Variants in FSTL1 observed in about 807,000 individuals in gnomAD.
FSTL1 encodes the protein follistatin-related protein 1.
In FSTL1, 24 loss-of-function variants were observed where a neutral mutation model predicts 45.9. The observed-to-expected ratio is 0.52, with a 90% CI of 0.38 to 0.74. The LOEUF (loss-of-function observed/expected upper bound fraction) is 0.74, where lower values mean the gene tolerates loss of function less well. FSTL1 is among the 30% of genes least tolerant of loss of function. The probability of loss-of-function intolerance (pLI) is 0.00; values close to 1 mark genes in which losing one functional copy is unlikely to be tolerated. For synonymous variants in FSTL1, 120 were observed against 137.6 expected (o/e 0.87, Z 0.89); for missense variants, 340 against 381.8 (o/e 0.89, Z 0.91).
chr3:120,434,346 A>C lies in FSTL1; in HGVS notation c.63+16338T>G, dbSNP rs185593524. Among the ~76,000 whole-genome samples, 215 of 152,320 alleles carry C rather than the reference A, an allele frequency of 1.4e-3. 1 individual carries two copies. Among genetic ancestry groups the C allele is most frequent in the African/African-American group, 4.9e-3 (202 of 41,570 alleles). On this transcript the variant is annotated intron_variant, in intron 2 of 10. Coordinates refer to ENST00000295633, the MANE Select transcript of FSTL1 (RefSeq NM_007085.5). ...GTGCACATGGCCATGCTGATGGTCC[A>C]TTCTAGAGTCACTACCAAGAGGATC...
intron 3 of FSTL1, among the ~76,000 whole-genome samples, chr3:120,414,310 G>A (rs531074631): frequency 2.8e-4 from 42 of 151,938 alleles, no homozygotes; most frequent in Middle Eastern, 3.4e-3. Context: ...GTCTCTGCCC[G>A]GCCGCCATCC....
chr3:120,421,781 T>A (rs907807917), intron 2 of FSTL1, among the ~76,000 whole-genome samples: 3 of 152,188 alleles, frequency 2.0e-5, no homozygotes, highest in African/African-American at 7.2e-5. Flanking sequence ...TTTCCCTTCC[T>A]TATATGTGCT....
At chr3:120,405,148 A>G (rs1392577689) in intron 6 of FSTL1, among the ~76,000 whole-genome samples, 177 bp from the exon 7 acceptor site, 2 of 152,212 alleles carry the variant, frequency 1.3e-5, no homozygotes, top group Non-Finnish European at 2.9e-5. Context: ...CAGAGAAGGT[A>G]CCTGTGCCCA....
intron 2 of FSTL1, among the ~76,000 whole-genome samples, chr3:120,433,645 T>C (rs1386157268): frequency 2.6e-5 from 4 of 152,068 alleles, no homozygotes; most frequent in Admixed American, 6.6e-5. Context: ...AAATAACAAG[T>C]TCATTTCAGC....
chr3:120,402,717 T>G (rs1364670405), intron 9 of FSTL1, 91 bp downstream of exon 9: 1 of 848,582 alleles, frequency 1.2e-6, no homozygotes, highest in Non-Finnish European at 2.0e-6. Context: ...CACCGCCCTC[T>G]TCTCCATCAT....
intron 2 of FSTL1, among the ~76,000 whole-genome samples, chr3:120,448,714 T>G (rs1017394932): frequency 6.6e-6 from 1 of 152,216 alleles, no homozygotes; most frequent in African/African-American, 2.4e-5. Context: ...GGGAATTATG[T>G]GAGAGCACTG....
chr3:120,437,042 T>C (rs1161321353), intron 2 of FSTL1, among the ~76,000 whole-genome samples: 2 of 152,192 alleles, frequency 1.3e-5, no homozygotes, highest in African/African-American at 4.8e-5. Context: ...CAATAGTGTT[T>C]AGCCTCTCTG....
chr3:120,427,606 A>G (rs1025969932), intron 2 of FSTL1, among the ~76,000 whole-genome samples: 1 of 152,156 alleles, frequency 6.6e-6, no homozygotes, highest in African/African-American at 2.4e-5. Flanking sequence ...CAGGCCATAT[A>G]TATTCAGCCT....
At chr3:120,397,026 T>C (rs745592844) in intron 10 of FSTL1, 30 bp from the exon 11 acceptor site, 5 of 1,557,362 alleles carry the variant, frequency 3.2e-6, no homozygotes, top group South Asian at 1.1e-5. Context: ...ATAGGCGTCA[T>C]GGAAATATTA....
At chr3:120,434,778 A>G (rs1937523887) in intron 2 of FSTL1, among the ~76,000 whole-genome samples, 1 of 152,246 alleles carries the variant, frequency 6.6e-6, no homozygotes, top group Admixed American at 6.5e-5. Flanking sequence ...CAAGGAGAAC[A>G]ATAGCAACTA....
intron 2 of FSTL1, among the ~76,000 whole-genome samples, chr3:120,429,991 GCATTCTTACA>G (rs1475963268): frequency 1.2e-4 from 19 of 152,188 alleles, no homozygotes; most frequent in South Asian, 2.1e-4. Context: ...TTCCAGGAGT[GCATTCTTACA>G]CATTCTTTAA....
intron 7 of FSTL1, among the ~76,000 whole-genome samples, chr3:120,403,937 A>AAC (rs1553789491): frequency 6.9e-5 from 9 of 130,384 alleles, no homozygotes; most frequent in African/African-American, 1.9e-4. Flanking sequence ...AAAAAAAAAA[A>AAC]AAAAAAACAA....
At chr3:120,443,017 G>A (rs1289884457) in intron 2 of FSTL1, among the ~76,000 whole-genome samples, 5 of 146,844 alleles carry the variant, frequency 3.4e-5, no homozygotes, top group African/African-American at 5.4e-5. Flanking sequence ...TGGGTGCAGT[G>A]CACCAGCATG....
At chr3:120,447,816 A>G (rs1937791390) in intron 2 of FSTL1, among the ~76,000 whole-genome samples, 1 of 152,024 alleles carries the variant, frequency 6.6e-6, no homozygotes, top group Non-Finnish European at 1.5e-5. Flanking sequence ...ATGCCCAGGT[A>G]ATTTTCTTAT....
intron 2 of FSTL1, among the ~76,000 whole-genome samples, chr3:120,432,751 A>C (rs1267675352): frequency 6.6e-6 from 1 of 152,212 alleles, no homozygotes; most frequent in Non-Finnish European, 1.5e-5. Context: ...TCCCAACTCC[A>C]CTGAAAAATG....
Position 120,450,603 on chromosome 3 carries a change from C to T in FSTL1, c.63+81G>A, listed in dbSNP as rs538883538. On this transcript the variant is annotated intron_variant, in intron 2 of 10. Transcript: ENST00000295633. ...CAGCGCCACCCCGGGAGAGCATCCC[C>T]AGGACGCGCGCCCACCCGCCCAGCG... is the stretch of plus-strand genomic sequence containing the variant. 4.3e-6 allele frequency: 4 copies of T among 920,270 alleles called. No homozygotes were observed. The African/African-American group carries it at 7.1e-5, about 16-fold the overall frequency. The allele number at this position is 920,270 out of a possible 1,614,324, so 57.0% of individuals were successfully genotyped here. A position where few individuals can be genotyped will look rare whatever the true frequency, so the allele number is the denominator to read the frequency against.
At chr3:120,450,462 C>T (rs567124303) in intron 2 of FSTL1, among the ~76,000 whole-genome samples, 75 of 152,280 alleles carry the variant, frequency 4.9e-4, no homozygotes, top group Middle Eastern at 6.8e-3. Context: ...CCATGTTAGC[C>T]GCGGCGGGGC....
At chr3:120,399,119 A>C (rs1448493728) in intron 10 of FSTL1, among the ~76,000 whole-genome samples, 4 of 152,208 alleles carry the variant, frequency 2.6e-5, no homozygotes, top group African/African-American at 7.2e-5. Context: ...CTTCTATGTC[A>C]GAGAGAAGGC....
chr3:120,422,268 G>A (rs931863611), intron 2 of FSTL1, among the ~76,000 whole-genome samples: 4 of 152,198 alleles, frequency 2.6e-5, no homozygotes, highest in Non-Finnish European at 2.9e-5. Flanking sequence ...ACAGCATGGC[G>A]ATGATAGTTA....
Sources: allele counts gnomAD v4.1 joint callset (sites outside exome capture counted in the v4.1 genomes callset), GRCh38; gene constraint gnomAD v4.1.1; transcripts MANE v1.5; gene names NCBI Gene and HGNC (gene_info 2026-07-23, HGNC 2026-07-21).